Variants in RAB40C observed in about 807,000 individuals in gnomAD.
RAB40C encodes ras-related protein Rab-40C.
RAB40C carries 8 observed loss-of-function variants against 28.1 expected under a neutral mutation model. That is an observed-to-expected ratio of 0.28 (90% CI 0.17 to 0.51). The LOEUF (loss-of-function observed/expected upper bound fraction) is 0.51. Among genes scored for constraint, RAB40C ranks in the 20% least tolerant of loss-of-function variants. RAB40C has a pLI of 0.97. For missense variants in RAB40C, 288 were observed against 405.9 expected (o/e 0.71, Z 2.50); for synonymous variants, 201 against 171.7 (o/e 1.17, Z -1.34).
At chr16:621,365 A>G (rs1810801051) in intron 3 of RAB40C, among the ~76,000 whole-genome samples, 1 of 152,224 alleles carries the variant, frequency 6.6e-6, no homozygotes, top group African/African-American at 2.4e-5. Flanking sequence ...GACACAGACT[A>G]GCAAGGACTG....
chr16:616,873 C>G (rs754791113), intron 1 of RAB40C: 1 of 353,714 alleles, frequency 2.8e-6, no homozygotes, highest in East Asian at 5.3e-5. Flanking sequence ...TTGCACCCAG[C>G]GCGGGCCACA....
At position 627,581 on chromosome 16, in the gene RAB40C, C is replaced by G. The variant is rs200782060; in HGVS notation, c.805C>G (p.Pro269Ala). ...CAAGTCCATCCGTCCACCCCAGAGC[C>G]CCCCCCAGAACTGCTCGCGGAGTAA... ...RSKSIRPPQS[P>A]PQNCSRSNCK... Residue 269 changes from proline (P) to alanine (A), a missense_variant, in exon 6 of 6, where the codon CCC (proline) becomes GCC (alanine). Pro to Ala is a conservative substitution (Grantham distance 27, BLOSUM62 -1). Coordinates refer to ENST00000248139, the MANE Select transcript of RAB40C (RefSeq NM_021168.5). 1.9e-6 allele frequency: 3 copies of G among 1,609,858 alleles called. No homozygotes were observed. The highest frequency in any genetic ancestry group is 2.2e-5 in the South Asian group (2 of 90,670).
At chr16:599,517 C>CA (rs1346113879) in intron 1 of RAB40C, among the ~76,000 whole-genome samples, 1 of 152,246 alleles carries the variant, frequency 6.6e-6, no homozygotes, top group Non-Finnish European at 1.5e-5. Context: ...TGTCGATAGG[C>CA]ATGTACGTGA....
chr16:601,674 A>C (rs1490776129), intron 1 of RAB40C, among the ~76,000 whole-genome samples: 2 of 152,106 alleles, frequency 1.3e-5, no homozygotes, highest in South Asian at 2.1e-4. Context: ...TTTATCAAAT[A>C]GTAAAACATC....
chr16:615,581 C>G (rs1407458661), intron 1 of RAB40C, among the ~76,000 whole-genome samples: 1 of 152,190 alleles, frequency 6.6e-6, no homozygotes, highest in African/African-American at 2.4e-5. Flanking sequence ...GATGTCGTGC[C>G]TGCGTTAAGT....
chr16:606,703 G>A (rs576068327), intron 1 of RAB40C, among the ~76,000 whole-genome samples: 50 of 152,296 alleles, frequency 3.3e-4, no homozygotes, highest in South Asian at 2.9e-3. Context: ...TCTCCAGGCC[G>A]CCTGCGTTGT....
At chr16:593,764 G>A (rs775514246) in intron 1 of RAB40C, among the ~76,000 whole-genome samples, 25 of 152,238 alleles carry the variant, frequency 1.6e-4, no homozygotes, top group Admixed American at 2.0e-4. Flanking sequence ...GTGGGTGTGC[G>A]CTGGGTTTCT....
In RAB40C at chr16:602,638, G is replaced by C. The variant is rs192437002; in HGVS notation, c.142+12205G>C. Among the ~76,000 whole-genome samples the C allele has an allele frequency of 9.0e-4, 137 of 152,094 alleles. 1 individual carries two copies. Among genetic ancestry groups the C allele is most frequent in the African/African-American group, 3.1e-3 (129 of 41,478 alleles). ...AGTAGAGATGAGGTTTCACCATGTC[G>C]GCCAGGCTGGTCTCGAGTTCCTGAC... is the stretch of plus-strand genomic sequence containing the variant. On this transcript the variant is annotated intron_variant, in intron 1 of 5. Coordinates refer to ENST00000248139, the MANE Select transcript of RAB40C (RefSeq NM_021168.5).
intron 1 of RAB40C, among the ~76,000 whole-genome samples, chr16:590,964 A>G (rs556327361): frequency 5.0e-5 from 7 of 138,938 alleles, no homozygotes; most frequent in South Asian, 2.4e-4. Flanking sequence ...GGGTCCGGGG[A>G]AAGATGTCAT....
chr16:590,219 G>T lies in RAB40C; in HGVS notation c.-73G>T, dbSNP rs562176124. Reference sequence around the variant, plus strand: ...GCAACGGGCGCAGGTGCGGGGCGCGGGCTCTCTCACGCCGCGGCCTCACCC... The same window carrying T: ...GCAACGGGCGCAGGTGCGGGGCGCGTGCTCTCTCACGCCGCGGCCTCACCC... On this transcript the variant is annotated 5_prime_UTR_variant, in exon 1 of 6. Transcript: ENST00000248139. 1 of 1,164,074 alleles carries T rather than the reference G, an allele frequency of 8.6e-7. No homozygotes were observed. The highest frequency in any genetic ancestry group is 1.6e-5 in the African/African-American group (1 of 61,024). The allele number at this position is 1,164,074 out of a possible 1,614,324, so 72.1% of individuals were successfully genotyped here. A position where few individuals can be genotyped will look rare whatever the true frequency, so the allele number is the denominator to read the frequency against.
chr16:592,537 G>A (rs540825699), intron 1 of RAB40C, among the ~76,000 whole-genome samples: 4 of 152,302 alleles, frequency 2.6e-5, no homozygotes, highest in East Asian at 1.9e-4. Flanking sequence ...TGCACCTGCC[G>A]CCTCCTGGTC....
At chr16:627,033 G>T (rs998314383) in intron 5 of RAB40C, among the ~76,000 whole-genome samples, 4 of 152,250 alleles carry the variant, frequency 2.6e-5, no homozygotes, top group Non-Finnish European at 5.9e-5. Flanking sequence ...TGAAGGGCCA[G>T]ATCACGCAGC....
chr16:621,638 G>A lies in RAB40C; in HGVS notation c.264+3378G>A, dbSNP rs1008434315. On this transcript the variant is annotated intron_variant, in intron 3 of 5. Coordinates refer to ENST00000248139, the MANE Select transcript of RAB40C (RefSeq NM_021168.5). The stretch of plus-strand genomic sequence containing the variant: ...ATCTGAGACGGCCCCTCTCAGAAGC[G>A]GGTGCCACAACCCGCTGGTGGGATG... Among the ~76,000 whole-genome samples the A allele has an allele frequency of 2.6e-5, 4 of 152,260 alleles. No individual in the cohort carries two copies. In the South Asian group the frequency reaches 8.3e-4, roughly 31 times the overall value.
intron 3 of RAB40C, among the ~76,000 whole-genome samples, chr16:623,636 C>CAA (rs781008758): frequency 7.1e-5 from 7 of 98,206 alleles, no homozygotes; most frequent in Admixed American, 2.2e-4. Context: ...GACTCCGTCT[C>CAA]AAAAAAAAAA....
intron 1 of RAB40C, among the ~76,000 whole-genome samples, chr16:597,322 C>T (rs1351950033): frequency 6.6e-6 from 1 of 152,048 alleles, no homozygotes; most frequent in Non-Finnish European, 1.5e-5. Context: ...CACTCGGCCC[C>T]TGAGCAGCCT....
chr16:624,106 T>C (rs2036777443), intron 3 of RAB40C: 2 of 985,340 alleles, frequency 2.0e-6, no homozygotes, highest in African/African-American at 3.5e-5. Flanking sequence ...AGGCTGGACA[T>C]TTAATTTGTG....
chr16:608,109 A>C (rs942219691), intron 1 of RAB40C, among the ~76,000 whole-genome samples: 1 of 152,192 alleles, frequency 6.6e-6, no homozygotes, highest in Non-Finnish European at 1.5e-5. Flanking sequence ...TAAAGAAAAG[A>C]GGTTTAATTG....
At position 620,624 on chromosome 16, in the gene RAB40C, C is replaced by G. The variant is rs545032064; in HGVS notation, c.264+2364C>G. Among the ~76,000 whole-genome samples, 99 of 129,526 alleles carry G rather than the reference C, an allele frequency of 7.6e-4. 2 individuals carry two copies. The highest frequency in any genetic ancestry group is 1.4e-3 in the Non-Finnish European group (85 of 60,340). 85.0% of individuals were successfully genotyped at this position (129,526 alleles called of 152,430 possible). ...CTCCACTGCGGGCATCCCAGCCCCCCCCGACGGGCTCCACCGCGGGCATCC... is the reference window on the plus strand; with the variant it reads ...CTCCACTGCGGGCATCCCAGCCCCCGCCGACGGGCTCCACCGCGGGCATCC... On this transcript the variant is annotated intron_variant, in intron 3 of 5. Coordinates refer to ENST00000248139, the MANE Select transcript of RAB40C (RefSeq NM_021168.5).
At chr16:598,699 G>A (rs2036185737) in intron 1 of RAB40C, among the ~76,000 whole-genome samples, 1 of 152,078 alleles carries the variant, frequency 6.6e-6, no homozygotes, top group Non-Finnish European at 1.5e-5. Context: ...TCTGACTGTT[G>A]CACTACGTTC....
Sources: gnomAD v4.1 joint callset for allele counts (sites outside exome capture counted in the v4.1 genomes callset) on GRCh38, gnomAD v4.1.1 for gene constraint, MANE v1.5 for transcripts, NCBI Gene and HGNC (gene_info 2026-07-23, HGNC 2026-07-21) for gene names.